NOX4: variants seen among roughly 807,000 people sequenced by gnomAD.
NOX4 encodes NADPH oxidase 4, also known as kidney oxidase-1.
NOX4 carries 69 observed loss-of-function variants against 87.6 expected under a neutral mutation model. That is an observed-to-expected ratio of 0.79 (90% CI 0.65 to 0.96). NOX4 has a LOEUF of 0.96. Among genes scored for constraint, NOX4 ranks in the 40% least tolerant of loss-of-function variants. The pLI is 0.00. For missense variants in NOX4, 680 were observed against 681.5 expected (o/e 1.00, Z 0.02); for synonymous variants, 275 against 238.2 (o/e 1.15, Z -1.42).
At chr11:89,483,139 A>G (rs1946460393) in intron 2 of NOX4, among the ~76,000 whole-genome samples, 1 of 152,138 alleles carries the variant, frequency 6.6e-6, no homozygotes, top group African/African-American at 2.4e-5. Context: ...CAAGGATTCA[A>G]TTAAATATAA....
chr11:89,481,336 T>C (rs1046873473), intron 2 of NOX4, among the ~76,000 whole-genome samples: 2 of 152,016 alleles, frequency 1.3e-5, no homozygotes, highest in African/African-American at 2.4e-5. Flanking sequence ...ATGCCATTAA[T>C]ACTAATTACC....
At chr11:89,456,480 C>T (rs560738152) in intron 2 of NOX4, among the ~76,000 whole-genome samples, 1 of 152,052 alleles carries the variant, frequency 6.6e-6, no homozygotes, top group East Asian at 1.9e-4. Flanking sequence ...GGAAGACTAG[C>T]AAACTCTGAG....
intron 13 of NOX4, among the ~76,000 whole-genome samples, chr11:89,352,296 T>C (rs1946493313): frequency 6.6e-6 from 1 of 152,138 alleles, no homozygotes; most frequent in South Asian, 2.1e-4. Context: ...TCATTGACAA[T>C]GCACCTAGTC....
the NOX4 span, among the ~76,000 whole-genome samples, chr11:89,569,991 GACTCT>G: frequency 1.5e-5 from 2 of 135,666 alleles, no homozygotes; most frequent in African/African-American, 5.6e-5. Context: ...GACAGAGCGA[GACTCT>G]GTCTCAAAAA....
In NOX4 at chr11:89,402,535, G is replaced by A. The variant is rs371174143; in HGVS notation, c.637C>T (p.Leu213=). 1.1e-4 allele frequency: 170 copies of A among 1,609,214 alleles called. No homozygotes were observed. Among genetic ancestry groups the A allele is most frequent in the Middle Eastern group, 9.9e-4 (6 of 6,034 alleles). Residue 213 remains leucine, a synonymous_variant, in exon 9 of 18, where the codon CTG becomes TTG. Coordinates refer to ENST00000263317, the MANE Select transcript of NOX4 (RefSeq NM_016931.5). Reference sequence around the variant, plus strand: ...GTATCTAAATTAGTTTGATACTTCAGCAGCCCTCTAAAATTACATTTAAAA... The same window carrying A: ...GTATCTAAATTAGTTTGATACTTCAACAGCCCTCTAAAATTACATTTAAAA... ...LLTLHVSGGL[L]KYQTNLDTHP...
Position 89,411,145 on chromosome 11 carries a change from G to A in NOX4, c.630-8603C>T, listed in dbSNP as rs371592252. ...GGGCAAGCAAGAAACTTGCTGCCTTGAAGAGAAGGACCCAGTCCTGGCAAG... is the reference window on the plus strand; with the variant it reads ...GGGCAAGCAAGAAACTTGCTGCCTTAAAGAGAAGGACCCAGTCCTGGCAAG... On this transcript the variant is annotated intron_variant, in intron 8 of 17. Coordinates refer to ENST00000263317, the MANE Select transcript of NOX4 (RefSeq NM_016931.5). 2.4e-4 allele frequency among the ~76,000 whole-genome samples: 37 copies of A among 152,220 alleles called. 1 individual carries two copies. The highest frequency in any genetic ancestry group is 7.5e-4 in the African/African-American group (31 of 41,552).
chr11:89,332,843 G>A (rs1945531746), intron 17 of NOX4, among the ~76,000 whole-genome samples: 1 of 151,760 alleles, frequency 6.6e-6, no homozygotes, highest in Admixed American at 6.6e-5. Flanking sequence ...TAAAAATGAA[G>A]GCAGGTTGAC....
chr11:89,451,885 C>G lies in NOX4; in HGVS notation c.164G>C (p.Cys55Ser). ...AACAGATGCTGAGGCTCTGCTTAGA[C>G]ACAATCCTAGCTGAACAAATAAGGC... ...YLHQMLGLGL[C>S]LSRASASVLN... Residue 55 changes from cysteine (C) to serine (S), a missense_variant, in exon 3 of 18, where the codon TGT becomes TCT. Coordinates refer to ENST00000263317, the MANE Select transcript of NOX4 (RefSeq NM_016931.5). 6.2e-7 allele frequency: 1 copy of G among 1,611,342 alleles called. No homozygotes were observed. Among genetic ancestry groups the G allele is most frequent in the Non-Finnish European group, 8.5e-7 (1 of 1,177,778 alleles).
intron 8 of NOX4, among the ~76,000 whole-genome samples, chr11:89,404,201 A>G (rs761012480): frequency 1.3e-5 from 2 of 152,146 alleles, no homozygotes; most frequent in African/African-American, 2.4e-5. Flanking sequence ...ACAACCTAGG[A>G]ATTTGATTCA....
intron 13 of NOX4, among the ~76,000 whole-genome samples, chr11:89,351,194 A>C (rs971637334): frequency 6.6e-6 from 1 of 152,218 alleles, no homozygotes; most frequent in African/African-American, 2.4e-5. Context: ...AACCAGCCAC[A>C]ACACAACATT....
At chr11:89,534,788 A>T in the NOX4 span, among the ~76,000 whole-genome samples, 1 of 152,216 alleles carries the variant, frequency 6.6e-6, no homozygotes, top group Non-Finnish European at 1.5e-5. Context: ...CTGGGATGTG[A>T]TGCTTTGGCA....
intron 8 of NOX4, among the ~76,000 whole-genome samples, chr11:89,410,693 A>G (rs1298915351): frequency 2.6e-5 from 4 of 152,182 alleles, no homozygotes; most frequent in Non-Finnish European, 5.9e-5. Flanking sequence ...CTAGCCAAAA[A>G]GGAATTGCCC....
rs898496225 is a variant in NOX4, at chr11:89,442,594, G to A, written c.447+1541C>T. On this transcript the variant is annotated intron_variant, in intron 5 of 17. Transcript: ENST00000263317. The stretch of plus-strand genomic sequence containing the variant: ...GTATATTTATGCAAACAAGTAAATC[G>A]CCAAGGAATATATACCATAAAATGC... Among the ~76,000 whole-genome samples, 9 of 152,116 alleles carry A rather than the reference G, an allele frequency of 5.9e-5. No individual in the cohort carries two copies. The South Asian group carries it at 6.2e-4, about 11-fold the overall frequency.
chr11:89,525,133 G>A, the NOX4 span, among the ~76,000 whole-genome samples: 1 of 151,918 alleles, frequency 6.6e-6, no homozygotes, highest in Non-Finnish European at 1.5e-5. Flanking sequence ...TTCCAGTTTG[G>A]AATTATTACA....
At chr11:89,438,618 G>A (rs192404653) in intron 6 of NOX4, among the ~76,000 whole-genome samples, 1 of 73,742 alleles carries the variant, frequency 1.4e-5, no homozygotes, top group Non-Finnish European at 2.3e-5. Flanking sequence ...ATAATATATA[G>A]TATATATTAT....
the NOX4 span, chr11:89,576,873 A>T: frequency 6.6e-6 from 1 of 152,144 alleles, no homozygotes; most frequent in African/African-American, 2.4e-5. Context: ...CAGTAACACC[A>T]GTAATTTGTT....
chr11:89,405,151 C>T (rs1440448819), intron 8 of NOX4, among the ~76,000 whole-genome samples: 1 of 139,170 alleles, frequency 7.2e-6, no homozygotes, highest in African/African-American at 2.7e-5. Flanking sequence ...GGTCTTAATA[C>T]CAGGCAAATA....
intron 4 of NOX4, among the ~76,000 whole-genome samples, chr11:89,449,133 C>T (rs914281790): frequency 2.3e-4 from 35 of 152,078 alleles, no homozygotes; most frequent in African/African-American, 7.5e-4. Context: ...AACTACTAAG[C>T]TATTTAATAA....
At chr11:89,502,053 A>G (rs1947027801), upstream of NOX4, among the ~76,000 whole-genome samples, 1 of 152,022 alleles carries the variant, frequency 6.6e-6, no homozygotes, top group Non-Finnish European at 1.5e-5. Flanking sequence ...AGAGAAGACT[A>G]TATTTCACTC....
Sources: allele counts gnomAD v4.1 joint callset (sites outside exome capture counted in the v4.1 genomes callset), GRCh38; gene constraint gnomAD v4.1.1; transcripts MANE v1.5; gene names NCBI Gene and HGNC (gene_info 2026-07-23, HGNC 2026-07-21).